SCUBE2: variants seen among roughly 807,000 people sequenced by gnomAD.
SCUBE2 encodes the protein signal peptide, CUB and EGF-like domain-containing protein 2.
A neutral mutation model predicts 125.9 loss-of-function variants in SCUBE2; 114 were observed. The observed-to-expected ratio is 0.91, with a 90% CI of 0.78 to 1.06. The LOEUF (loss-of-function observed/expected upper bound fraction) is 1.06. SCUBE2 is among the 50% of genes least tolerant of loss of function. The probability of loss-of-function intolerance (pLI) is 0.00; values close to 1 mark genes in which losing one functional copy is unlikely to be tolerated. For synonymous variants in SCUBE2, 459 were observed against 492.9 expected (o/e 0.93, Z 0.91); for missense variants, 1,255 against 1,301.8 (o/e 0.96, Z 0.55).
chr11:9,021,086 G>A lies in SCUBE2; in HGVS notation c.3046C>T (p.Leu1016=). The A allele has an allele frequency of 4.3e-6, 7 of 1,613,756 alleles. No homozygotes were observed. Among genetic ancestry groups the A allele is most frequent in the Non-Finnish European group, 5.9e-6 (7 of 1,179,860 alleles). Residue 1016 remains leucine (L), a synonymous_variant, in exon 23 of 23, where the codon CTA becomes TTA. Transcript: ENST00000649792. ...AAAAACCTGGACACTTTGGAACGTA[G>A]CAATCGGATGAACGATCTTGGAAAC... ...EMFPRSFIRL[L]RSKVSRFLRP...
intron 16 of SCUBE2, among the ~76,000 whole-genome samples, chr11:9,044,826 C>T: frequency 6.6e-6 from 1 of 152,202 alleles, no homozygotes; most frequent in East Asian, 1.9e-4. Context: ...TCTCTTCCCC[C>T]AGATATCTCC....
intron 21 of SCUBE2, chr11:9,022,676 A>C (rs1855405237): frequency 6.6e-6 from 1 of 152,526 alleles, no homozygotes; most frequent in African/African-American, 2.4e-5. Context: ...CTGAGCTTCC[A>C]GGACACCATG....
intron 2 of SCUBE2, among the ~76,000 whole-genome samples, chr11:9,082,300 T>C (rs907776235): frequency 1.3e-5 from 2 of 152,224 alleles, no homozygotes; most frequent in African/African-American, 4.8e-5. Context: ...TTATATTCTG[T>C]TGATATTGTC....
At chr11:9,061,955 A>T (rs752154525) in intron 7 of SCUBE2, among the ~76,000 whole-genome samples, 8 of 152,226 alleles carry the variant, frequency 5.3e-5, no homozygotes, top group Non-Finnish European at 1.2e-4. Context: ...CAGGAAGATT[A>T]TGGAGAGTCT....
intron 17 of SCUBE2, among the ~76,000 whole-genome samples, chr11:9,032,493 G>GGAGGC (rs1422313369): frequency 6.6e-6 from 1 of 152,096 alleles, no homozygotes; most frequent in Non-Finnish European, 1.5e-5. Flanking sequence ...CAACACTTTG[G>GGAGGC]GAGGCCGAGG....
rs1165038677 is a variant in SCUBE2 at position 9,059,643 on chromosome 11, C to T, written c.968-218G>A. On this transcript the variant is annotated intron_variant, in intron 8 of 22. Coordinates refer to ENST00000649792, the MANE Select transcript of SCUBE2 (RefSeq NM_001367977.2). The stretch of plus-strand genomic sequence containing the variant: ...CAAGTGTTTCATCGTCTTGAGAACG[C>T]TGACTTATGATGCCCTTGATTGGCA... The T allele has an allele frequency of 5.2e-6, 3 of 574,786 alleles. No homozygotes were observed. The African/African-American group carries it at 5.6e-5, about 11-fold the overall frequency. The allele number at this position is 574,786 out of a possible 1,614,324, so 35.6% of individuals were successfully genotyped here.
Position 9,050,688 on chromosome 11 carries a change from A to G in SCUBE2, c.1557T>C (p.Ser519=), listed in dbSNP as rs904555369. 2 of 1,614,000 alleles carry G rather than the reference A, an allele frequency of 1.2e-6. No homozygotes were observed. Among genetic ancestry groups the G allele is most frequent in the Admixed American group, 1.7e-5 (1 of 60,008 alleles). ...AFGDVTTIRT[S]VTFKLNEGKC... ...TGCCTTCATTTAGCTTAAAGGTTAC[A>G]CTTGTCCTGATGGTGGTGACATCTT... The change falls in exon 14 of 23, where the codon AGT becomes AGC. Residue 519 remains serine (S), a synonymous_variant. Coordinates refer to ENST00000649792, the MANE Select transcript of SCUBE2 (RefSeq NM_001367977.2).
chr11:9,035,157 T>G (rs959084050), intron 16 of SCUBE2, among the ~76,000 whole-genome samples: 2 of 152,234 alleles, frequency 1.3e-5, no homozygotes, highest in African/African-American at 4.8e-5. Flanking sequence ...CTCCCTACTA[T>G]TCAAACATCA....
intron 2 of SCUBE2, among the ~76,000 whole-genome samples, chr11:9,082,182 T>C (rs529581154): frequency 1.3e-5 from 2 of 152,346 alleles, no homozygotes; most frequent in African/African-American, 4.8e-5. Context: ...TTAATTGCGT[T>C]ATTTGATTTT....
At chr11:9,088,174 G>T (rs1410876482) in intron 2 of SCUBE2, among the ~76,000 whole-genome samples, 1 of 152,244 alleles carries the variant, frequency 6.6e-6, no homozygotes, top group African/African-American at 2.4e-5. Context: ...AATGGCACCA[G>T]AATAGACACT....
chr11:9,061,381 ACCC>A (rs1859669385), intron 7 of SCUBE2, among the ~76,000 whole-genome samples: 1 of 147,842 alleles, frequency 6.8e-6, no homozygotes, highest in African/African-American at 2.5e-5. Context: ...ACGTGGTGAG[ACCC>A]CCATCTCTAC....
chr11:9,059,598 G>T, intron 8 of SCUBE2, 173 bp from the exon 9 acceptor site: 1 of 829,692 alleles, frequency 1.2e-6, no homozygotes, highest in Non-Finnish European at 1.8e-6. Context: ...TTCTTATCTG[G>T]CTTAACCAGT....
chr11:9,070,949 T>A (rs1231578086), intron 4 of SCUBE2, among the ~76,000 whole-genome samples: 2 of 152,224 alleles, frequency 1.3e-5, no homozygotes, highest in Admixed American at 6.5e-5. Context: ...CAAGGGTGGC[T>A]GTCAATTAAC....
rs572647161 is a variant in SCUBE2, at chr11:9,044,176, G to A, written c.2002+3180C>T. On this transcript the variant is annotated intron_variant, in intron 16 of 22. Coordinates refer to ENST00000649792, the MANE Select transcript of SCUBE2 (RefSeq NM_001367977.2). ...GCTGTAAAAGAAATGAGGTTGCTCCGCTATCATGTTAGAGAGATGTTCTTG... is the reference window on the plus strand; with the variant it reads ...GCTGTAAAAGAAATGAGGTTGCTCCACTATCATGTTAGAGAGATGTTCTTG... 6.0e-4 allele frequency among the ~76,000 whole-genome samples: 92 copies of A among 152,274 alleles called. No individual in the cohort carries two copies. In the South Asian group the frequency reaches 7.5e-3, roughly 12 times the overall value.
chr11:9,029,691 A>G (rs1167717877), intron 19 of SCUBE2, among the ~76,000 whole-genome samples, 193 bp downstream of exon 19: 1 of 152,236 alleles, frequency 6.6e-6, no homozygotes, highest in Non-Finnish European at 1.5e-5. Flanking sequence ...CAGGATCAAT[A>G]AAGATGAGTC....
At chr11:9,069,289 G>A in intron 5 of SCUBE2, 81 bp downstream of exon 5, 1 of 1,568,668 alleles carries the variant, frequency 6.4e-7, no homozygotes, top group Non-Finnish European at 8.7e-7. Context: ...GCCATGAGGT[G>A]GTGCTTCTGA....
intron 4 of SCUBE2, among the ~76,000 whole-genome samples, chr11:9,073,081 AG>A (rs1330600312): frequency 6.6e-6 from 1 of 152,234 alleles, no homozygotes; most frequent in Non-Finnish European, 1.5e-5. Context: ...CCACCTGCAG[AG>A]GAAGCCAAAG....
At chr11:9,085,126 A>C (rs1861947324) in intron 2 of SCUBE2, among the ~76,000 whole-genome samples, 1 of 152,230 alleles carries the variant, frequency 6.6e-6, no homozygotes, top group Non-Finnish European at 1.5e-5. Context: ...GGAAAGACTG[A>C]GGAACTGTCA....
At chr11:9,050,923 C>A (rs1025497451) in intron 13 of SCUBE2, among the ~76,000 whole-genome samples, 5 of 152,144 alleles carry the variant, frequency 3.3e-5, no homozygotes, top group Non-Finnish European at 7.3e-5. Flanking sequence ...GCAGTTACCC[C>A]CTCATGTGAG....
Sources: allele counts gnomAD v4.1 joint callset (sites outside exome capture counted in the v4.1 genomes callset), GRCh38; gene constraint gnomAD v4.1.1; transcripts MANE v1.5; gene names NCBI Gene and HGNC (gene_info 2026-07-23, HGNC 2026-07-21).